ACBD3: variants seen among roughly 807,000 people sequenced by gnomAD.
The protein encoded by ACBD3 is Golgi resident protein GCP60.
A neutral mutation model predicts 66.9 loss-of-function variants in ACBD3; 30 were observed. That is an observed-to-expected ratio of 0.45 (90% CI 0.34 to 0.61). The LOEUF (loss-of-function observed/expected upper bound fraction) is 0.61, where lower values mean the gene tolerates loss of function less well. ACBD3 is among the 20% of genes least tolerant of loss of function. ACBD3 has a pLI of 0.02. For synonymous variants in ACBD3, 278 were observed against 259.8 expected, an observed-to-expected ratio of 1.07 and a Z score of -0.68; for missense variants, 544 against 664.5, an observed-to-expected ratio of 0.82 and a Z score of 1.99.
At chr1:226,159,597 C>G (rs1659733963) in intron 4 of ACBD3, among the ~76,000 whole-genome samples, 1 of 152,116 alleles carries the variant, frequency 6.6e-6, no homozygotes. Context: ...AGCATATGAT[C>G]ATCATCATCA....
chr1:226,149,962 T>A (rs891652164), intron 7 of ACBD3, among the ~76,000 whole-genome samples: 1 of 152,000 alleles, frequency 6.6e-6, no homozygotes, highest in African/African-American at 2.4e-5. Context: ...ACAGAACAGG[T>A]TCTGATGTTG....
intron 2 of ACBD3, 147 bp from the exon 3 acceptor site, chr1:226,165,076 A>G: frequency 2.5e-6 from 2 of 809,518 alleles, no homozygotes; most frequent in East Asian, 3.0e-5. Flanking sequence ...AGTTTTAACA[A>G]GTATGTATTG....
rs1312059091 is a variant in ACBD3, at chr1:226,157,501, A to T, written c.903+1683T>A. On this transcript the variant is annotated intron_variant, in intron 5 of 7. Transcript: ENST00000366812. ...TGATCCACCCACCTCAGCCTCCCAA[A>T]GTGCTGGGATTACAGGCATGTGCCA... Among the ~76,000 whole-genome samples, 6 of 152,008 alleles carry T rather than the reference A, an allele frequency of 3.9e-5. No individual in the cohort carries two copies. In the South Asian group the frequency reaches 1.2e-3, roughly 32 times the overall value.
Position 226,168,819 on chromosome 1 carries a change from T to C in ACBD3, c.287-2819A>G, listed in dbSNP as rs1048547712. ...TCACCAAAAGTTTTCTTACACTACG[T>C]CACAGGTAATTATTAGAGAAACACA... is the stretch of plus-strand genomic sequence containing the variant. On this transcript the variant is annotated intron_variant, in intron 1 of 7. Transcript: ENST00000366812. Among the ~76,000 whole-genome samples, 4 of 138,200 alleles carry C rather than the reference T, an allele frequency of 2.9e-5. No individual in the cohort carries two copies. In the Admixed American group the frequency reaches 3.0e-4, roughly 10 times the overall value. 90.7% of individuals were successfully genotyped at this position (138,200 alleles called of 152,430 possible).
intron 5 of ACBD3, 132 bp from the exon 6 acceptor site, chr1:226,154,965 T>G: frequency 1.8e-6 from 1 of 548,544 alleles, no homozygotes; most frequent in Non-Finnish European, 2.9e-6. Flanking sequence ...TAATAAATTT[T>G]TATCAGTTTT....
chr1:226,164,694 A>G, intron 3 of ACBD3, 95 bp downstream of exon 3: 1 of 1,333,846 alleles, frequency 7.5e-7, no homozygotes, highest in Non-Finnish European at 9.9e-7. Flanking sequence ...AAAGCAAGAC[A>G]CCTGATCTAG....
intron 1 of ACBD3, among the ~76,000 whole-genome samples, chr1:226,174,556 G>T (rs1558130411): frequency 6.6e-6 from 1 of 151,200 alleles, no homozygotes; most frequent in Non-Finnish European, 1.5e-5. Flanking sequence ...CCTGAGGTCA[G>T]GAGTTCGAGA....
At chr1:226,164,116 TAAAAAAAAAA>T (rs1165905762) in intron 3 of ACBD3, among the ~76,000 whole-genome samples, 23 of 51,580 alleles carry the variant, frequency 4.5e-4, no homozygotes, top group South Asian at 1.6e-3. Context: ...GACTCCATCT[TAAAAAAAAAA>T]AAAAAAAAAA....
chr1:226,152,129 A>T lies in ACBD3; in HGVS notation c.1375+206T>A, dbSNP rs188118809. Among the ~76,000 whole-genome samples, 4 of 152,334 alleles carry T rather than the reference A, an allele frequency of 2.6e-5. No individual in the cohort carries two copies. In the East Asian group the frequency reaches 7.7e-4, roughly 29 times the overall value. On this transcript the variant is annotated intron_variant, in intron 7 of 7. Coordinates refer to ENST00000366812, the MANE Select transcript of ACBD3 (RefSeq NM_022735.4). ...AAATTGCCAAATAGATTTTCCTGGC[A>T]TTCAGAAAAATTCAGGTTTAGGCCC...
rs2102794526 is a variant in ACBD3, at chr1:226,186,577, C to T, written c.99G>A (p.Pro33=). The change falls in exon 1 of 8, where the codon CCG becomes CCA. Residue 33 remains proline (P), a synonymous_variant. Coordinates refer to ENST00000366812, the MANE Select transcript of ACBD3 (RefSeq NM_022735.4). Reference sequence around the variant, plus strand: ...GCGGTGGCAGCGGTGGCGGCAGCAGCGGGGCGCCCTCCGCCCCAGGCCGCT... The same window carrying T: ...GCGGTGGCAGCGGTGGCGGCAGCAGTGGGGCGCCCTCCGCCCCAGGCCGCT... ...PEERPGAEGA[P]LLPPPLPPPS... The T allele has an allele frequency of 7.3e-7, 1 of 1,370,976 alleles. No individual in the cohort carries two copies. Among genetic ancestry groups the T allele is most frequent in the South Asian group, 1.7e-5 (1 of 57,214 alleles). 84.9% of individuals were successfully genotyped at this position (1,370,976 alleles called of 1,614,324 possible).
Position 226,152,477 on chromosome 1 carries a change from T to C in ACBD3, c.1233A>G (p.Glu411=), listed in dbSNP as rs1659595868. 6.2e-7 allele frequency: 1 copy of C among 1,614,186 alleles called. No individual in the cohort carries two copies. The highest frequency in any genetic ancestry group is 8.5e-7 in the Non-Finnish European group (1 of 1,180,048). The change falls in exon 7 of 8, where the codon GAA becomes GAG. Residue 411 remains glutamate (E), a synonymous_variant. Transcript: ENST00000366812. ...ATTCCCAAAAGAGATATGATCCTTC[T>C]TCATGGGTGGGTACTCGAACAGTGA... ...EVVTVRVPTH[E]EGSYLFWEFA...
chr1:226,171,320 G>A (rs1252705690), intron 1 of ACBD3, among the ~76,000 whole-genome samples: 1 of 151,760 alleles, frequency 6.6e-6, no homozygotes, highest in East Asian at 1.9e-4. Context: ...GCTACTTTTT[G>A]TACTTTTTAG....
In ACBD3 at chr1:226,164,847, G is replaced by C; in HGVS notation, c.511C>G (p.Leu171Val). The change falls in exon 3 of 8, where the codon CTC becomes GTC. Residue 171 changes from leucine to valine, a missense_variant. This residue lies in a region of ACBD3 where 383 missense variants were observed against 462.4 expected (regional missense o/e 0.83). Coordinates refer to ENST00000366812, the MANE Select transcript of ACBD3 (RefSeq NM_022735.4). ...FVKLLNRCCH[L>V]FSTYVASHKI... ...TGGGACGCAACATATGTTGAAAAGA[G>C]ATGGCAACACCTATTTAAGAGCTTG... 6.2e-7 allele frequency: 1 copy of C among 1,611,368 alleles called. No homozygotes were observed. Among genetic ancestry groups the C allele is most frequent in the Non-Finnish European group, 8.5e-7 (1 of 1,178,858 alleles).
intron 1 of ACBD3, among the ~76,000 whole-genome samples, chr1:226,176,301 T>A (rs558754338): frequency 6.6e-6 from 1 of 152,224 alleles, no homozygotes; most frequent in East Asian, 1.9e-4. Flanking sequence ...TGCACGTGCC[T>A]GTATTCCCAG....
intron 1 of ACBD3, among the ~76,000 whole-genome samples, chr1:226,179,786 A>C (rs1656129740): frequency 6.6e-6 from 1 of 151,984 alleles, no homozygotes; most frequent in Non-Finnish European, 1.5e-5. Flanking sequence ...TGAACCCAGA[A>C]GGCAGAGGTT....
intron 1 of ACBD3, among the ~76,000 whole-genome samples, chr1:226,178,150 A>ATTATGTTC (rs1193036888): frequency 3.9e-5 from 6 of 152,184 alleles, no homozygotes; most frequent in Non-Finnish European, 8.8e-5. Flanking sequence ...TGGGATGTAC[A>ATTATGTTC]TTATGTTCTT....
At chr1:226,181,462 C>T (rs1297790420) in intron 1 of ACBD3, among the ~76,000 whole-genome samples, 1 of 144,558 alleles carries the variant, frequency 6.9e-6, no homozygotes, top group Non-Finnish European at 1.6e-5. Context: ...TAATACTCTA[C>T]TATCAGTAAC....
At position 226,154,637 on chromosome 1, in the gene ACBD3, C is replaced by G; in HGVS notation, c.1090+10G>C. 1.9e-6 allele frequency: 3 copies of G among 1,604,394 alleles called. No homozygotes were observed. Among genetic ancestry groups the G allele is most frequent in the Non-Finnish European group, 2.6e-6 (3 of 1,175,500 alleles). ...TATGACATCTGGACAAACACATATG[C>G]AAAACCTACCTTTTGGTCCATTCTC... On this transcript the variant is annotated intron_variant, in intron 6 of 7. Transcript: ENST00000366812.
chr1:226,168,284 C>T (rs1008431308), intron 1 of ACBD3, among the ~76,000 whole-genome samples: 1 of 152,062 alleles, frequency 6.6e-6, no homozygotes, highest in African/African-American at 2.4e-5. Flanking sequence ...TTGATTAACC[C>T]CGGGTATCTG....
Sources: allele counts gnomAD v4.1 joint callset (sites outside exome capture counted in the v4.1 genomes callset), GRCh38; gene constraint gnomAD v4.1.1; regional missense constraint gnomAD v4.1.1; transcripts MANE v1.5; gene names NCBI Gene and HGNC (gene_info 2026-07-23, HGNC 2026-07-21).